Variants in TSNAX observed in about 807,000 individuals in gnomAD.
TSNAX encodes translin associated factor X.
Under a neutral mutation model 33.0 loss-of-function variants are expected in TSNAX, and 12 were observed. The observed-to-expected ratio is 0.36, with a 90% CI of 0.23 to 0.59. The LOEUF (loss-of-function observed/expected upper bound fraction) is 0.59. Ranked by LOEUF, TSNAX falls within the 20% of genes least tolerant of loss-of-function variation. The pLI is 0.74. For missense variants in TSNAX, 267 were observed against 341.3 expected (o/e 0.78, Z 1.72); for synonymous variants, 110 against 117.2 (o/e 0.94, Z 0.40).
At chr1:231,547,389 C>CTTTTTTTTTTTTTTTTTTT (rs71179784) in intron 4 of TSNAX, among the ~76,000 whole-genome samples, 22 of 104,696 alleles carry the variant, frequency 2.1e-4, no homozygotes, top group Non-Finnish European at 2.8e-4. Flanking sequence ...TTTTTTTTTT[C>CTTTTTTTTTTTTTTTTTTT]TTTTTTTTTT....
chr1:231,547,085 T>C (rs1280029494), intron 4 of TSNAX, among the ~76,000 whole-genome samples: 1 of 152,256 alleles, frequency 6.6e-6, no homozygotes, highest in Non-Finnish European at 1.5e-5. Flanking sequence ...TGATGTTCTT[T>C]TGGTGTAATA....
chr1:231,528,673 C>T lies in TSNAX; in HGVS notation c.-138C>T, dbSNP rs1421279532. On this transcript the variant is annotated 5_prime_UTR_variant, in exon 1 of 6. Transcript: ENST00000366639. ...GAAGTACGTGAGAGGAGACTTCCGGCCACTGCGTTGTAGTCGGCCCGGCTG... is the reference window on the plus strand; with the variant it reads ...GAAGTACGTGAGAGGAGACTTCCGGTCACTGCGTTGTAGTCGGCCCGGCTG... 5 of 941,216 alleles carry T rather than the reference C, an allele frequency of 5.3e-6. No individual in the cohort carries two copies. The African/African-American group carries it at 8.2e-5, about 15-fold the overall frequency. The allele number at this position is 941,216 out of a possible 1,614,324, so 58.3% of individuals were successfully genotyped here. A position where few individuals can be genotyped will look rare whatever the true frequency, so the allele number is the denominator to read the frequency against.
At chr1:231,555,342 C>T (rs1660619667) in intron 4 of TSNAX, among the ~76,000 whole-genome samples, 2 of 152,108 alleles carry the variant, frequency 1.3e-5, no homozygotes, top group East Asian at 3.9e-4. Flanking sequence ...ACATGAGGTA[C>T]CCAGAGTAGT....
chr1:231,555,150 G>A (rs1436410505), intron 4 of TSNAX, among the ~76,000 whole-genome samples: 1 of 152,214 alleles, frequency 6.6e-6, no homozygotes, highest in Non-Finnish European at 1.5e-5. Flanking sequence ...AAAGGTGGAA[G>A]TGACTCAGTT....
rs756826332 is a variant in TSNAX, at chr1:231,564,490, TGTGTGTGTGTTTTTG to T, written c.496-37_496-23del. ...TTCACAGTGTTCTTTCTTGTGTGTG[TGTGTGTGTGTTTTTG>T]TTTTGTTTTGTTTTTTTACCAGCCC... On this transcript the variant is annotated intron_variant, in intron 5 of 5. Coordinates refer to ENST00000366639, the MANE Select transcript of TSNAX (RefSeq NM_005999.3). The T allele has an allele frequency of 6.9e-6, 11 of 1,585,724 alleles. No homozygotes were observed. In the South Asian group the frequency reaches 1.3e-4, roughly 18 times the overall value.
Position 231,542,468 on chromosome 1 carries a change from A to G in TSNAX, c.237-13A>G. On this transcript the variant is annotated splice_polypyrimidine_tract_variant and intron_variant, in intron 3 of 5. Coordinates refer to ENST00000366639, the MANE Select transcript of TSNAX (RefSeq NM_005999.3). ...ATCTGATGTTCTAAAAGTTCCCAAT[A>G]TCTTGATCATAGTGCTCCTGATATG... is the stretch of plus-strand genomic sequence containing the variant. 5 of 1,612,720 alleles carry G rather than the reference A, an allele frequency of 3.1e-6. No homozygotes were observed. The highest frequency in any genetic ancestry group is 3.4e-6 in the Non-Finnish European group (4 of 1,179,458).
chr1:231,529,108 A>C (rs1658472444), intron 1 of TSNAX, 147 bp from the exon 2 acceptor site: 1 of 813,024 alleles, frequency 1.2e-6, no homozygotes, highest in Non-Finnish European at 1.9e-6. Context: ...AGGCCTGGGC[A>C]GCGTCTCTGT....
intron 3 of TSNAX, among the ~76,000 whole-genome samples, chr1:231,537,965 C>G (rs777599876): frequency 3.7e-4 from 57 of 152,048 alleles, no homozygotes; most frequent in Non-Finnish European, 1.2e-4. Context: ...TCTGCATAAC[C>G]TATTTTCTCG....
At chr1:231,541,414 G>C (rs558079562) in intron 3 of TSNAX, among the ~76,000 whole-genome samples, 1 of 152,150 alleles carries the variant, frequency 6.6e-6, no homozygotes, top group African/African-American at 2.4e-5. Flanking sequence ...ACAGTACCAT[G>C]CAAAGTAAGG....
rs1417663146 is a variant in TSNAX, at chr1:231,560,415, C to A, written c.368-713C>A. 3.7e-5 allele frequency among the ~76,000 whole-genome samples: 4 copies of A among 108,466 alleles called. 1 individual carries two copies. The highest frequency in any genetic ancestry group is 6.9e-5 in the African/African-American group (2 of 28,796). The allele number at this position is 108,466 out of a possible 152,430, so 71.2% of individuals were successfully genotyped here. A position where few individuals can be genotyped will look rare whatever the true frequency, so the allele number is the denominator to read the frequency against. On this transcript the variant is annotated intron_variant, in intron 4 of 5. Transcript: ENST00000366639. Reference sequence around the variant, plus strand: ...ATAGGCTTTTCTTTTCTCCCCCCCCCCCCTTTTTTTTTTTTTGAGACGAAG... The same window carrying A: ...ATAGGCTTTTCTTTTCTCCCCCCCCACCCTTTTTTTTTTTTTGAGACGAAG...
In TSNAX at chr1:231,565,586, T is replaced by C. The variant is rs1013052303; in HGVS notation, c.*681T>C. On this transcript the variant is annotated 3_prime_UTR_variant, in exon 6 of 6. Transcript: ENST00000366639. ...TAGAAATACAAAAATTAGCTGGATA[T>C]GGTGGTATGTGCCTGTAATCCCAGC... 6.6e-6 allele frequency: 1 copy of C among 152,286 alleles called. No homozygotes were observed. Among genetic ancestry groups the C allele is most frequent in the Non-Finnish European group, 1.5e-5 (1 of 68,206 alleles). The allele number at this position is 152,286 out of a possible 1,614,324, so 9.4% of individuals were successfully genotyped here.
At chr1:231,556,435 CA>C (rs927651637) in intron 4 of TSNAX, among the ~76,000 whole-genome samples, 1 of 152,158 alleles carries the variant, frequency 6.6e-6, no homozygotes, top group African/African-American at 2.4e-5. Flanking sequence ...TGCAACAAGG[CA>C]CTGCTGAATG....
At chr1:231,561,372 G>C in intron 5 of TSNAX, 117 bp downstream of exon 5, 2 of 882,522 alleles carry the variant, frequency 2.3e-6, no homozygotes, top group Non-Finnish European at 3.3e-6. Flanking sequence ...TCTAAAGTAT[G>C]GTTTTGTAGA....
intron 4 of TSNAX, among the ~76,000 whole-genome samples, chr1:231,560,420 T>TCCCCCC (rs1661021036): frequency 2.6e-5 from 1 of 38,172 alleles, no homozygotes; most frequent in African/African-American, 1.1e-4. Flanking sequence ...CCCCCCCCCT[T>TCCCCCC]TTTTTTTTTT....
chr1:231,534,069 C>T (rs962246550), intron 2 of TSNAX: 1 of 152,070 alleles, frequency 6.6e-6, no homozygotes, highest in Non-Finnish European at 1.5e-5. Flanking sequence ...AACAGTTTCC[C>T]AGTTTTGTCT....
rs953341194 is a variant in TSNAX at position 231,562,715 on chromosome 1, A to G, written c.495+1460A>G. ...TATTCATATACATGTTTCAAATTGT[A>G]TAAGACTATGTTCATAAATAAGTTT... On this transcript the variant is annotated intron_variant, in intron 5 of 5. Coordinates refer to ENST00000366639, the MANE Select transcript of TSNAX (RefSeq NM_005999.3). Among the ~76,000 whole-genome samples the G allele has an allele frequency of 5.9e-5, 9 of 152,346 alleles. 1 individual carries two copies. The South Asian group carries it at 1.4e-3, about 25-fold the overall frequency.
intron 4 of TSNAX, among the ~76,000 whole-genome samples, chr1:231,557,816 A>G (rs2124937775): frequency 6.6e-6 from 1 of 152,296 alleles, no homozygotes; most frequent in East Asian, 1.9e-4. Flanking sequence ...AAGGAGAAGT[A>G]ATACCATTAT....
rs142132966 is a variant in TSNAX, at chr1:231,552,198, A to T, written c.368-8930A>T. Among the ~76,000 whole-genome samples the T allele has an allele frequency of 9.3e-3, 1,413 of 152,186 alleles. 29 individuals are homozygous for T. Among genetic ancestry groups the T allele is most frequent in the African/African-American group, 0.032 (1,314 of 41,500 alleles). ...TACTCGGGAGGCTGAGGCAGGAGAG[A>T]GAATCACTTGAACCCAGGTGGCAGA... On this transcript the variant is annotated intron_variant, in intron 4 of 5. Coordinates refer to ENST00000366639, the MANE Select transcript of TSNAX (RefSeq NM_005999.3).
Position 231,528,710 on chromosome 1 carries a change from T to G in TSNAX, c.-101T>G. On this transcript the variant is annotated 5_prime_UTR_variant, in exon 1 of 6. Coordinates refer to ENST00000366639, the MANE Select transcript of TSNAX (RefSeq NM_005999.3). ...AGTCGGCCCGGCTGCAAAGCGTTTT[T>G]CTGCAGGCTGTTTTCCCAGGTTCCC... 1 of 1,439,704 alleles carries G rather than the reference T, an allele frequency of 6.9e-7. No individual in the cohort carries two copies. The highest frequency in any genetic ancestry group is 9.7e-7 in the Non-Finnish European group (1 of 1,028,936). 89.2% of individuals were successfully genotyped at this position (1,439,704 alleles called of 1,614,324 possible).
Sources: gnomAD v4.1 joint callset for allele counts (sites outside exome capture counted in the v4.1 genomes callset) on GRCh38, gnomAD v4.1.1 for gene constraint, MANE v1.5 for transcripts, NCBI Gene and HGNC (gene_info 2026-07-23, HGNC 2026-07-21) for gene names.